The following ZMYM1 variants were observed in gnomAD, a reference collection of about 807,000 sequenced individuals.
ZMYM1 encodes zinc finger MYM-type protein 1.
In ZMYM1, 39 loss-of-function variants were observed where a neutral mutation model predicts 60.0. The ratio of observed to expected loss-of-function variants is 0.65; its 90% CI spans 0.50 to 0.85. ZMYM1 has a LOEUF of 0.85. ZMYM1 is among the 40% of genes least tolerant of loss of function. The probability of loss-of-function intolerance (pLI) is 0.00; values close to 1 mark genes in which losing one functional copy is unlikely to be tolerated. For synonymous variants in ZMYM1, 413 were observed against 454.0 expected, an observed-to-expected ratio of 0.91 and a Z score of 1.15; for missense variants, 1,171 against 1,309.5, an observed-to-expected ratio of 0.89 and a Z score of 1.63.
rs966551506 is a variant in ZMYM1, at chr1:35,104,331, G to A, written c.456G>A (p.Gln152=). ...ILNPKDVISV[Q]LEDTTSCKTF... ...ATCCAAAGGATGTGATTAGTGTCCA[G>A]CTGGAAGACACTACCTCTTGCAAAA... Residue 152 remains glutamine, a synonymous_variant, in exon 5 of 10, where the codon CAG becomes CAA. Transcript: ENST00000359858. The A allele has an allele frequency of 2.5e-6, 4 of 1,606,406 alleles. No individual in the cohort carries two copies. The highest frequency in any genetic ancestry group is 3.4e-6 in the Non-Finnish European group (4 of 1,177,864).
At chr1:35,100,118 G>T (rs540904221) in intron 4 of ZMYM1, among the ~76,000 whole-genome samples, 1 of 151,602 alleles carries the variant, frequency 6.6e-6, no homozygotes, top group African/African-American at 2.4e-5. Flanking sequence ...CTCGAACTCC[G>T]GACCTCAGGT....
In ZMYM1 at chr1:35,115,340, GAC is replaced by G. The variant is rs1644233311; in HGVS notation, c.*85_*86del. 22 of 1,428,052 alleles carry G rather than the reference GAC, an allele frequency of 1.5e-5. No homozygotes were observed. The highest frequency in any genetic ancestry group is 2.6e-5 in the Admixed American group (1 of 38,748). The allele number at this position is 1,428,052 out of a possible 1,614,324, so 88.5% of individuals were successfully genotyped here. ...TTTCAAAATTGTTCAAAATTCAAAAGACACAGAACGATAAACAGTGAAGTCTC... is the reference window on the plus strand; with the variant it reads ...TTTCAAAATTGTTCAAAATTCAAAAGACAGAACGATAAACAGTGAAGTCTC... On this transcript the variant is annotated 3_prime_UTR_variant, in exon 10 of 10. Coordinates refer to ENST00000359858, the MANE Select transcript of ZMYM1 (RefSeq NM_024772.5).
chr1:35,114,401 A>G lies in ZMYM1; in HGVS notation c.2571A>G (p.Glu857=), dbSNP rs768611806. 1.3e-5 allele frequency: 21 copies of G among 1,613,002 alleles called. No individual in the cohort carries two copies. The highest frequency in any genetic ancestry group is 1.8e-5 in the Non-Finnish European group (21 of 1,179,346). ...SHLLTLVSKF[E]FVFCLKFLYR... ...TGCTGACATTGGTTTCCAAATTTGA[A>G]TTTGTCTTTTGTTTGAAATTCCTGT... The change falls in exon 10 of 10, where the codon GAA becomes GAG. Residue 857 remains glutamate (E), a synonymous_variant. Transcript: ENST00000359858.
intron 6 of ZMYM1, 87 bp from the exon 7 acceptor site, chr1:35,110,207 C>A (rs974582212): frequency 2.0e-6 from 2 of 1,008,564 alleles, no homozygotes; most frequent in Non-Finnish European, 2.7e-6. Flanking sequence ...TTTTAATATT[C>A]CAACTAAAAG....
intron 4 of ZMYM1, among the ~76,000 whole-genome samples, chr1:35,103,479 C>CT (rs1273378711): frequency 6.6e-6 from 1 of 152,176 alleles, no homozygotes; most frequent in Admixed American, 6.5e-5. Context: ...TGTATCAGTA[C>CT]TTTATTCTTT....
intron 6 of ZMYM1, among the ~76,000 whole-genome samples, chr1:35,108,600 G>T (rs759875820): frequency 5.9e-5 from 9 of 151,762 alleles, no homozygotes; most frequent in Non-Finnish European, 1.3e-4. Context: ...TGATCTGCCC[G>T]CCTCGGCCTG....
In ZMYM1 at chr1:35,114,516, A is replaced by G; in HGVS notation, c.2686A>G (p.Ile896Val). ...IFSLSSKIEA[I>V]LECLSSERND... ...TTCTTTGTCTTCAAAAATAGAAGCAATTTTGGAATGTTTATCATCTGAAAG... is the reference window on the plus strand; with the variant it reads ...TTCTTTGTCTTCAAAAATAGAAGCAGTTTTGGAATGTTTATCATCTGAAAG... Residue 896 changes from isoleucine to valine, a missense_variant, in exon 10 of 10, where the codon ATT (isoleucine) becomes GTT (valine). Coordinates refer to ENST00000359858, the MANE Select transcript of ZMYM1 (RefSeq NM_024772.5). The G allele has an allele frequency of 5.0e-6, 8 of 1,610,780 alleles. No individual in the cohort carries two copies. Among genetic ancestry groups the G allele is most frequent in the African/African-American group, 2.7e-5 (2 of 74,914 alleles).
At position 35,112,101 on chromosome 1, in the gene ZMYM1, G is replaced by A; in HGVS notation, c.1117G>A (p.Val373Ile). The change falls in exon 9 of 10, where the codon GTA becomes ATA. Residue 373 changes from valine to isoleucine, a missense_variant. Physicochemically the swap from Val to Ile is conservative, Grantham distance 29 (BLOSUM62 3). Coordinates refer to ENST00000359858, the MANE Select transcript of ZMYM1 (RefSeq NM_024772.5). ...TDVLQDTVSS[V>I]TATADVIVDL... ...TATTTTAACAGATACAGTTTCTTCA[G>A]TAACAGCAACAGCAGATGTCATTGT... 2.5e-6 allele frequency: 4 copies of A among 1,613,330 alleles called. No homozygotes were observed. The South Asian group carries it at 3.3e-5, about 13-fold the overall frequency.
At chr1:35,118,676 C>T (rs1020220176), downstream of ZMYM1, among the ~76,000 whole-genome samples, 4 of 152,076 alleles carry the variant, frequency 2.6e-5, no homozygotes, top group African/African-American at 9.7e-5. Flanking sequence ...CACAGCACTC[C>T]AGCCTGGGCC....
At position 35,067,015 on chromosome 1, in the gene ZMYM1, G is replaced by A. The variant is rs541426279; in HGVS notation, c.-301+7090G>A. On this transcript the variant is annotated intron_variant, in intron 1 of 10. Coordinates refer to the ZMYM1 transcript ENST00000417119. ...TTATTTTGAGACAGGGGCTCACTCT[G>A]TCACCCATGCTGGAGTGCAGTGGTG... is the stretch of plus-strand genomic sequence containing the variant. Among the ~76,000 whole-genome samples, 9 of 152,296 alleles carry A rather than the reference G, an allele frequency of 5.9e-5. No homozygotes were observed. In the South Asian group the frequency reaches 1.9e-3, roughly 32 times the overall value.
intron 2 of ZMYM1, among the ~76,000 whole-genome samples, chr1:35,095,513 AAAAC>A (rs1476037296): frequency 4.0e-5 from 6 of 151,836 alleles, no homozygotes; most frequent in Admixed American, 3.3e-4. Context: ...AAAAAAAAAA[AAAAC>A]AAGTAGGGAA....
chr1:35,080,938 GAATAA>G (rs1298920063), intron 1 of ZMYM1, among the ~76,000 whole-genome samples: 2 of 62,978 alleles, frequency 3.2e-5, no homozygotes, highest in East Asian at 7.8e-4. Flanking sequence ...GAACTCAGTT[GAATAA>G]AATAATTTTT....
In ZMYM1 at chr1:35,110,381, A is replaced by T. The variant is rs1299748020; in HGVS notation, c.895A>T (p.Thr299Ser). 2.5e-6 allele frequency: 4 copies of T among 1,595,218 alleles called. No individual in the cohort carries two copies. Among genetic ancestry groups the T allele is most frequent in the Non-Finnish European group, 3.4e-6 (4 of 1,171,998 alleles). ...TGAGACTACGAGTGATTTGGGGAAG[A>T]CAGAGCTTTTCTGCTCTATTAATTG... ...MIETTSDLGK[T>S]ELFCSINCFS... is the part of the protein sequence containing the mutation. Residue 299 changes from threonine (T) to serine (S), a missense_variant, in exon 7 of 10, where the codon ACA (threonine) becomes TCA (serine). Coordinates refer to ENST00000359858, the MANE Select transcript of ZMYM1 (RefSeq NM_024772.5).
upstream of ZMYM1, chr1:35,078,915 A>T (rs1299155070): frequency 6.6e-6 from 1 of 151,566 alleles, no homozygotes; most frequent in Non-Finnish European, 1.5e-5. Context: ...TCTGAGGATA[A>T]TTTCCTTTTA....
chr1:35,112,260 C>G lies in ZMYM1; in HGVS notation c.1146+130C>G, dbSNP rs1432853313. On this transcript the variant is annotated intron_variant, in intron 9 of 9. Transcript: ENST00000359858. ...TGGCGTGATCTCAGCTCACTGCAAC[C>G]TTTGCCTCCTGGGTTCAAGCGATTC... 4.8e-6 allele frequency: 4 copies of G among 833,844 alleles called. No homozygotes were observed. In the African/African-American group the frequency reaches 7.0e-5, roughly 15 times the overall value. 51.7% of individuals were successfully genotyped at this position (833,844 alleles called of 1,614,324 possible).
chr1:35,108,398 C>A (rs1012375557), intron 6 of ZMYM1, among the ~76,000 whole-genome samples: 1 of 152,118 alleles, frequency 6.6e-6, no homozygotes, highest in Non-Finnish European at 1.5e-5. Flanking sequence ...GTTGCCCAGG[C>A]TGGCGTGCAA....
At chr1:35,107,218 T>C (rs1264799181) in intron 6 of ZMYM1, among the ~76,000 whole-genome samples, 1 of 143,544 alleles carries the variant, frequency 7.0e-6, no homozygotes, top group East Asian at 2.1e-4. Flanking sequence ...CCCAGCACTT[T>C]GGGAGGCTGA....
downstream of ZMYM1, among the ~76,000 whole-genome samples, chr1:35,116,137 AG>A (rs1644246839): frequency 6.6e-6 from 1 of 152,050 alleles, no homozygotes; most frequent in Non-Finnish European, 1.5e-5. Flanking sequence ...TGGGAGGCTG[AG>A]GCAGGAGGAT....
rs1159904539 is a variant in ZMYM1, at chr1:35,108,541, C to T, written c.808-1753C>T. 2.6e-5 allele frequency among the ~76,000 whole-genome samples: 4 copies of T among 151,476 alleles called. No homozygotes were observed. The East Asian group carries it at 5.8e-4, about 22-fold the overall frequency. ...GCTAATTTTTGTATTTTTGTAGAGA[C>T]GGGGTTCCACCATGTTGGCCAGGCT... On this transcript the variant is annotated intron_variant, in intron 6 of 9. Coordinates refer to ENST00000359858, the MANE Select transcript of ZMYM1 (RefSeq NM_024772.5).
Sources: gnomAD v4.1 joint callset for allele counts (sites outside exome capture counted in the v4.1 genomes callset) on GRCh38, gnomAD v4.1.1 for gene constraint, MANE v1.5 for transcripts, NCBI Gene and HGNC (gene_info 2026-07-23, HGNC 2026-07-21) for gene names.